Variants in AGBL1 observed in about 807,000 individuals in gnomAD.
AGBL1 encodes the protein AGBL carboxypeptidase 1, also known as cytosolic carboxypeptidase 4.
AGBL1 carries 130 observed loss-of-function variants against 118.9 expected under a neutral mutation model. That is an observed-to-expected ratio of 1.09 (90% CI 0.95 to 1.26). The LOEUF (loss-of-function observed/expected upper bound fraction) is 1.26. Among genes scored for constraint, AGBL1 ranks in the 50% most tolerant of loss-of-function variants. AGBL1 has a pLI of 0.00. For synonymous variants in AGBL1, 555 were observed against 478.9 expected (o/e 1.16, Z -2.08); for missense variants, 1,584 against 1,298.1 (o/e 1.22, Z -3.38).
intron 23 of AGBL1, among the ~76,000 whole-genome samples, chr15:86,970,386 C>G (rs1305217749): frequency 6.6e-6 from 1 of 151,912 alleles, no homozygotes; most frequent in African/African-American, 2.4e-5. Context: ...AATTGTATAT[C>G]AGGCACTTTA....
intron 6 of AGBL1, among the ~76,000 whole-genome samples, chr15:86,242,093 A>G (rs894362886): frequency 2.6e-5 from 4 of 152,174 alleles, no homozygotes; most frequent in Non-Finnish European, 5.9e-5. Flanking sequence ...GCCACCATGT[A>G]AAATGTCCCT....
At chr15:86,406,036 G>A (rs1339250208) in intron 18 of AGBL1, among the ~76,000 whole-genome samples, 1 of 152,168 alleles carries the variant, frequency 6.6e-6, no homozygotes, top group Non-Finnish European at 1.5e-5. Flanking sequence ...AGTCTAGAGT[G>A]GCCTGTATCC....
At chr15:86,477,158 C>G (rs548759894) in intron 18 of AGBL1, among the ~76,000 whole-genome samples, 2 of 152,148 alleles carry the variant, frequency 1.3e-5, no homozygotes, top group Non-Finnish European at 2.9e-5. Flanking sequence ...ACCCTAACAT[C>G]ACAATTGAAA....
chr15:86,345,459 T>G (rs970612244), intron 17 of AGBL1, among the ~76,000 whole-genome samples: 8 of 152,182 alleles, frequency 5.3e-5, no homozygotes, highest in African/African-American at 1.9e-4. Flanking sequence ...CGTATGAACA[T>G]AGACATTAAA....
At chr15:86,654,827 C>G (rs1402602649) in intron 21 of AGBL1, among the ~76,000 whole-genome samples, 1 of 152,144 alleles carries the variant, frequency 6.6e-6, no homozygotes, top group Non-Finnish European at 1.5e-5. Context: ...ACAGCCTTTC[C>G]TGACTAAAGA....
chr15:86,842,714 T>C (rs761985455), intron 22 of AGBL1, among the ~76,000 whole-genome samples: 4 of 152,156 alleles, frequency 2.6e-5, no homozygotes, highest in Non-Finnish European at 5.9e-5. Flanking sequence ...AATGGAATAA[T>C]GTATTTTTCC....
chr15:86,301,617 C>A (rs2079745853), intron 17 of AGBL1, among the ~76,000 whole-genome samples: 1 of 149,114 alleles, frequency 6.7e-6, no homozygotes, highest in African/African-American at 2.5e-5. Flanking sequence ...TAGTCTTTGT[C>A]ACTGAGGTAC....
At chr15:86,995,167 C>T (rs749729271) in intron 24 of AGBL1, among the ~76,000 whole-genome samples, 6 of 152,060 alleles carry the variant, frequency 3.9e-5, no homozygotes, top group Admixed American at 6.6e-5. Flanking sequence ...GTGGGAAGAT[C>T]GCTTGAGCCC....
intron 23 of AGBL1, among the ~76,000 whole-genome samples, chr15:86,938,445 C>T (rs1423498120): frequency 6.6e-6 from 1 of 152,168 alleles, no homozygotes; most frequent in African/African-American, 2.4e-5. Context: ...CCTCCCTGAT[C>T]TTTTGGAGAA....
intron 1 of AGBL1, among the ~76,000 whole-genome samples, chr15:86,136,351 A>G (rs2076888773): frequency 6.6e-6 from 1 of 152,232 alleles, no homozygotes; most frequent in East Asian, 1.9e-4. Context: ...TGGACAACGA[A>G]TTAGAACAAA....
chr15:86,826,947 T>G (rs2141402180), intron 22 of AGBL1, among the ~76,000 whole-genome samples: 1 of 152,088 alleles, frequency 6.6e-6, no homozygotes, highest in South Asian at 2.1e-4. Flanking sequence ...GTAATCTGGA[T>G]GTCTCAACCT....
chr15:86,183,754 A>C (rs1410238075), intron 5 of AGBL1, among the ~76,000 whole-genome samples: 1 of 152,188 alleles, frequency 6.6e-6, no homozygotes, highest in Non-Finnish European at 1.5e-5. Context: ...TTTCAGGCCA[A>C]ATGAATCCCC....
intron 21 of AGBL1, among the ~76,000 whole-genome samples, chr15:86,673,756 C>T (rs1278119026): frequency 2.0e-5 from 3 of 152,090 alleles, no homozygotes; most frequent in Non-Finnish European, 4.4e-5. Flanking sequence ...TATATGAGTA[C>T]AGCTGAATAG....
intron 18 of AGBL1, among the ~76,000 whole-genome samples, chr15:86,412,654 C>T (rs984497853): frequency 3.9e-5 from 6 of 152,132 alleles, no homozygotes; most frequent in African/African-American, 1.4e-4. Context: ...TTCCTGTGAC[C>T]ATGTGCCCTT....
At chr15:86,623,165 G>T (rs2084838182) in intron 21 of AGBL1, among the ~76,000 whole-genome samples, 1 of 152,186 alleles carries the variant, frequency 6.6e-6, no homozygotes, top group Non-Finnish European at 1.5e-5. Flanking sequence ...GGTATCAGGT[G>T]GGGACCCCTG....
In AGBL1 at chr15:86,973,551, C is replaced by T. The variant is rs534247133; in HGVS notation, c.3222-14436C>T. ...TGATCGGAAAAAAATCACAAGTTGG[C>T]TGTCAATCATCCAAAAGCATCTCTT... On this transcript the variant is annotated intron_variant, in intron 23 of 24. Transcript: ENST00000441037. Among the ~76,000 whole-genome samples, 12 of 151,976 alleles carry T rather than the reference C, an allele frequency of 7.9e-5. 1 individual carries two copies. The highest frequency in any genetic ancestry group is 2.9e-4 in the African/African-American group (12 of 41,480).
At chr15:86,991,088 A>G (rs2081332340) in intron 24 of AGBL1, among the ~76,000 whole-genome samples, 1 of 152,202 alleles carries the variant, frequency 6.6e-6, no homozygotes, top group Non-Finnish European at 1.5e-5. Flanking sequence ...TGAGACCTGC[A>G]ATGTAGTTTT....
At chr15:86,233,181 A>T (rs1337614923) in intron 6 of AGBL1, among the ~76,000 whole-genome samples, 1 of 152,182 alleles carries the variant, frequency 6.6e-6, no homozygotes, top group Admixed American at 6.5e-5. Flanking sequence ...GATTATTCCC[A>T]CCTTCCACAT....
At chr15:86,706,278 A>G (rs1384539728) in intron 22 of AGBL1, among the ~76,000 whole-genome samples, 1 of 152,080 alleles carries the variant, frequency 6.6e-6, no homozygotes, top group Non-Finnish European at 1.5e-5. Context: ...ATTTTGAAAA[A>G]TCCCAAGGGG....
Sources: allele counts gnomAD v4.1 joint callset (sites outside exome capture counted in the v4.1 genomes callset), GRCh38; gene constraint gnomAD v4.1.1; transcripts MANE v1.5; gene names NCBI Gene and HGNC (gene_info 2026-07-23, HGNC 2026-07-21).